The following PLXDC2 variants were observed in gnomAD, a reference collection of about 807,000 sequenced individuals.
PLXDC2 encodes the protein plexin domain-containing protein 2.
Under a neutral mutation model 68.9 loss-of-function variants are expected in PLXDC2, and 40 were observed. The observed-to-expected ratio is 0.58, with a 90% confidence interval of 0.45 to 0.76. PLXDC2 has a LOEUF of 0.76. Among genes scored for constraint, PLXDC2 ranks in the 30% least tolerant of loss-of-function variants. The probability of loss-of-function intolerance (pLI) is 0.00; values close to 1 mark genes in which losing one functional copy is unlikely to be tolerated. For missense variants in PLXDC2, 644 were observed against 661.9 expected (o/e 0.97, Z 0.30); for synonymous variants, 243 against 234.2 (o/e 1.04, Z -0.34).
intron 9 of PLXDC2, among the ~76,000 whole-genome samples, chr10:20,197,282 A>G (rs1834852477): frequency 6.6e-6 from 1 of 152,212 alleles, no homozygotes; most frequent in Non-Finnish European, 1.5e-5. Flanking sequence ...CCTAATGGCA[A>G]TCATAGTCTT....
intron 1 of PLXDC2, among the ~76,000 whole-genome samples, chr10:19,856,355 TACAC>T (rs1837211851): frequency 6.9e-6 from 1 of 145,730 alleles, no homozygotes; most frequent in East Asian, 2.0e-4. Flanking sequence ...GGAAGCTTTA[TACAC>T]ACACAAACAC....
intron 9 of PLXDC2, among the ~76,000 whole-genome samples, chr10:20,194,317 T>A (rs1834809015): frequency 6.6e-6 from 1 of 151,456 alleles, no homozygotes; most frequent in Non-Finnish European, 1.5e-5. Context: ...CTTGATAAAG[T>A]TTTTCCACTG....
chr10:20,003,180 A>G (rs1326650525), intron 2 of PLXDC2, among the ~76,000 whole-genome samples: 1 of 152,154 alleles, frequency 6.6e-6, no homozygotes, highest in Non-Finnish European at 1.5e-5. Context: ...TTGCTTGTAA[A>G]CTAGGTACAA....
intron 7 of PLXDC2, among the ~76,000 whole-genome samples, chr10:20,165,395 A>G (rs1052106117): frequency 6.6e-6 from 1 of 152,088 alleles, no homozygotes; most frequent in African/African-American, 2.4e-5. Context: ...GTCATCTAGC[A>G]TTAGGTATAT....
intron 4 of PLXDC2, among the ~76,000 whole-genome samples, chr10:20,068,708 A>AT (rs1277857090): frequency 6.7e-6 from 1 of 150,244 alleles, no homozygotes; most frequent in South Asian, 2.1e-4. Flanking sequence ...AGCTTTGATC[A>AT]TTTTTTTTCC....
intron 6 of PLXDC2, among the ~76,000 whole-genome samples, chr10:20,150,810 G>A (rs1463869440): frequency 6.6e-6 from 1 of 152,102 alleles, no homozygotes; most frequent in African/African-American, 2.4e-5. Context: ...GTCTCACATT[G>A]CAGAATTCTT....
At chr10:19,902,990 A>G (rs1838183701) in intron 1 of PLXDC2, among the ~76,000 whole-genome samples, 1 of 152,172 alleles carries the variant, frequency 6.6e-6, no homozygotes, top group Non-Finnish European at 1.5e-5. Context: ...TGACTTACAT[A>G]TGTTAAACCA....
At chr10:19,873,129 G>A (rs1025629581) in intron 1 of PLXDC2, among the ~76,000 whole-genome samples, 6 of 152,100 alleles carry the variant, frequency 3.9e-5, no homozygotes, top group African/African-American at 9.7e-5. Context: ...TGAAGTTCAC[G>A]ACCGATGTTT....
At chr10:19,837,689 C>G (rs1836825582) in intron 1 of PLXDC2, among the ~76,000 whole-genome samples, 1 of 152,038 alleles carries the variant, frequency 6.6e-6, no homozygotes, top group South Asian at 2.1e-4. Flanking sequence ...ATAAGACATG[C>G]AGAAATGCAA....
At chr10:19,992,041 G>T (rs1300767096) in intron 1 of PLXDC2, among the ~76,000 whole-genome samples, 1 of 152,204 alleles carries the variant, frequency 6.6e-6, no homozygotes, top group African/African-American at 2.4e-5. Flanking sequence ...ATGAATAGCA[G>T]TGTGAAAGTG....
At chr10:20,160,937 T>C (rs1461701685) in intron 6 of PLXDC2, among the ~76,000 whole-genome samples, 1 of 152,200 alleles carries the variant, frequency 6.6e-6, no homozygotes, top group East Asian at 1.9e-4. Context: ...TGCAGTGAGC[T>C]ATGATCATGC....
intron 13 of PLXDC2, among the ~76,000 whole-genome samples, chr10:20,273,978 GC>G (rs1381987105): frequency 1.3e-5 from 2 of 151,358 alleles, no homozygotes; most frequent in African/African-American, 2.4e-5. Flanking sequence ...GGTTGAGGCT[GC>G]ATTGAGAGTT....
At chr10:20,197,327 AT>A (rs1039817830) in intron 9 of PLXDC2, among the ~76,000 whole-genome samples, 1 of 152,092 alleles carries the variant, frequency 6.6e-6, no homozygotes, top group Non-Finnish European at 1.5e-5. Context: ...TCAGATTATT[AT>A]TTATCTTTGA....
chr10:19,952,921 T>G (rs1834013169), intron 1 of PLXDC2, among the ~76,000 whole-genome samples: 1 of 151,942 alleles, frequency 6.6e-6, no homozygotes, highest in African/African-American at 2.4e-5. Context: ...TTTTTTTTTG[T>G]TTTGATGATC....
Position 20,177,371 on chromosome 10 carries a change from G to T in PLXDC2, c.1023G>T (p.Gln341His). 1.9e-6 allele frequency: 3 copies of T among 1,602,708 alleles called. No individual in the cohort carries two copies. The highest frequency in any genetic ancestry group is 2.2e-5 in the East Asian group (1 of 44,684). Residue 341 changes from glutamine to histidine, a missense_variant, in exon 9 of 14, where the codon CAG (glutamine) becomes CAT (histidine). Physicochemically the swap from Gln to His is conservative, Grantham distance 24. Around this residue, in one of 3 missense-constraint regions of PLXDC2, gnomAD observed 330 missense variants for 327.9 expected, o/e 1.01. Transcript: ENST00000377252. Reference protein sequence around the residue: ...FNRCGPCVSSQIGFNCSWCSK... With the variant: ...FNRCGPCVSSHIGFNCSWCSK... ...GATGTGGCCCCTGTGTATCTTCTCA[G>T]ATTGGCTTCAACTGCAGTTGGTGTA...
rs1554765383 is a variant in PLXDC2 at position 20,082,070 on chromosome 10, A to AAAAAAAAAAAAC, written c.541+13837_541+13838insAAAAACAAAAAA. 1.4e-4 allele frequency among the ~76,000 whole-genome samples: 17 copies of AAAAAAAAAAAAC among 121,990 alleles called. 2 individuals are homozygous for AAAAAAAAAAAAC. Among genetic ancestry groups the AAAAAAAAAAAAC allele is most frequent in the South Asian group, 1.2e-3 (4 of 3,362 alleles). 80.0% of individuals were successfully genotyped at this position (121,990 alleles called of 152,430 possible). ...GAAAAAAAAAAAAAAAAATCAAAAA[A>AAAAAAAAAAAAC]AAAAAACAGGAGAAGTCTGAGAAAC... On this transcript the variant is annotated intron_variant, in intron 4 of 13. Transcript: ENST00000377252.
chr10:19,928,720 A>G (rs1230321097), intron 1 of PLXDC2, among the ~76,000 whole-genome samples: 3 of 145,454 alleles, frequency 2.1e-5, no homozygotes, highest in Non-Finnish European at 4.5e-5. Context: ...CTAGATTGAG[A>G]GTCTTCGGTG....
intron 1 of PLXDC2, among the ~76,000 whole-genome samples, chr10:19,861,283 C>T (rs1462670018): frequency 6.6e-6 from 1 of 152,050 alleles, no homozygotes; most frequent in Non-Finnish European, 1.5e-5. Flanking sequence ...GACCCGCCCA[C>T]CTCTGCCTCC....
At chr10:20,028,051 A>G (rs1453836401) in intron 2 of PLXDC2, among the ~76,000 whole-genome samples, 1 of 152,224 alleles carries the variant, frequency 6.6e-6, no homozygotes, top group African/African-American at 2.4e-5. Context: ...CTCTTTAAGG[A>G]TAAATTGAAA....
Sources: gnomAD v4.1 joint callset for allele counts (sites outside exome capture counted in the v4.1 genomes callset) on GRCh38, gnomAD v4.1.1 for gene constraint, gnomAD v4.1.1 regional missense constraint, MANE v1.5 for transcripts, NCBI Gene and HGNC (gene_info 2026-07-23, HGNC 2026-07-21) for gene names.